ANK2: variants seen among roughly 807,000 people sequenced by gnomAD.
The protein encoded by ANK2 is ankyrin 2.
In ANK2, 83 loss-of-function variants were observed where a neutral mutation model predicts 360.5. The ratio of observed to expected loss-of-function variants is 0.23; its 90% confidence interval spans 0.19 to 0.28. The LOEUF (loss-of-function observed/expected upper bound fraction) is 0.28. ANK2 is among the 10% of genes least tolerant of loss of function. The pLI, the probability that ANK2 is intolerant of heterozygous loss-of-function variation, is 1.00. For synonymous variants in ANK2, 1,740 were observed against 1,759.5 expected, an observed-to-expected ratio of 0.99 and a Z score of 0.28; for missense variants, 4,201 against 4,795.7, an observed-to-expected ratio of 0.88 and a Z score of 3.66.
At chr4:113,198,680 A>G (rs1484102752) in intron 3 of ANK2, among the ~76,000 whole-genome samples, 1 of 151,992 alleles carries the variant, frequency 6.6e-6, no homozygotes, top group Non-Finnish European at 1.5e-5. Flanking sequence ...TTGCAATAGG[A>G]TTCTTTAGTT....
chr4:113,106,603 A>G (rs2093655141), intron 1 of ANK2, among the ~76,000 whole-genome samples: 1 of 152,174 alleles, frequency 6.6e-6, no homozygotes, highest in Non-Finnish European at 1.5e-5. Context: ...ATGATGCCCA[A>G]GTTATAGAAG....
intron 1 of ANK2, among the ~76,000 whole-genome samples, chr4:113,069,084 A>C (rs1414391941): frequency 6.6e-6 from 1 of 152,098 alleles, no homozygotes; most frequent in Non-Finnish European, 1.5e-5. Context: ...AAGAGAAAAG[A>C]AAAGAAAAGA....
chr4:113,144,781 T>C (rs1171434412), intron 1 of ANK2, among the ~76,000 whole-genome samples: 2 of 147,364 alleles, frequency 1.4e-5, no homozygotes, highest in African/African-American at 4.9e-5. Flanking sequence ...TATATACTAC[T>C]TAAACTATAT....
intron 29 of ANK2, 92 bp from the exon 30 acceptor site, chr4:113,335,754 G>C: frequency 7.5e-7 from 1 of 1,332,378 alleles, no homozygotes; most frequent in South Asian, 1.2e-5. Flanking sequence ...TGGCACTTCT[G>C]TTCATTATTA....
At chr4:112,778,888 G>T in the ANK2 span, among the ~76,000 whole-genome samples, 1 of 152,142 alleles carries the variant, frequency 6.6e-6, no homozygotes, top group Non-Finnish European at 1.5e-5. Flanking sequence ...TCATTTATAG[G>T]CAGTACTAGT....
At chr4:113,107,680 T>A (rs949204422) in intron 1 of ANK2, among the ~76,000 whole-genome samples, 1 of 152,204 alleles carries the variant, frequency 6.6e-6, no homozygotes, top group Non-Finnish European at 1.5e-5. Context: ...TAAATCTACT[T>A]TATTATCTTA....
chr4:112,897,374 G>T (rs1348977247), intron 1 of ANK2, among the ~76,000 whole-genome samples: 2 of 152,096 alleles, frequency 1.3e-5, no homozygotes, highest in African/African-American at 4.8e-5. Context: ...CACAATAGGA[G>T]TTCAAATGGA....
At chr4:112,775,971 A>G in the ANK2 span, among the ~76,000 whole-genome samples, 1 of 152,206 alleles carries the variant, frequency 6.6e-6, no homozygotes, top group East Asian at 1.9e-4. Flanking sequence ...TTAGGGCTCA[A>G]TAATTTGCAG....
chr4:112,942,716 G>A (rs1218308630), intron 2 of ANK2, among the ~76,000 whole-genome samples: 2 of 151,808 alleles, frequency 1.3e-5, no homozygotes, highest in African/African-American at 2.4e-5. Flanking sequence ...TTGGGTTTGT[G>A]TGTGTACACA....
chr4:112,815,140 C>G (rs893267822), upstream of ANK2, among the ~76,000 whole-genome samples: 1 of 152,030 alleles, frequency 6.6e-6, no homozygotes, highest in Non-Finnish European at 1.5e-5. Flanking sequence ...CTCGGCCTCC[C>G]AAAGTGCTGA....
intron 1 of ANK2, among the ~76,000 whole-genome samples, chr4:113,091,661 G>A (rs1257955648): frequency 6.6e-6 from 1 of 152,224 alleles, no homozygotes; most frequent in African/African-American, 2.4e-5. Context: ...ATCCCTTTGA[G>A]ATAGATATCC....
At chr4:113,217,997 T>A (rs2099106043) in intron 4 of ANK2, among the ~76,000 whole-genome samples, 1 of 152,242 alleles carries the variant, frequency 6.6e-6, no homozygotes, top group South Asian at 2.1e-4. Context: ...CTGCCTGCTC[T>A]AACTGCCTAG....
At chr4:112,992,016 C>T (rs2046998670) in intron 2 of ANK2, among the ~76,000 whole-genome samples, 1 of 152,042 alleles carries the variant, frequency 6.6e-6, no homozygotes, top group African/African-American at 2.4e-5. Flanking sequence ...TTCTCTTTTT[C>T]CTTCCAACTT....
At chr4:113,106,326 G>A (rs969304018) in intron 1 of ANK2, among the ~76,000 whole-genome samples, 1 of 152,136 alleles carries the variant, frequency 6.6e-6, no homozygotes, top group Non-Finnish European at 1.5e-5. Context: ...ATTCAGATGG[G>A]TTATTTCAGT....
chr4:113,333,041 A>C lies in ANK2; in HGVS notation c.3225-13A>C, dbSNP rs773079706. ...CTCCTGTCCACACTGAATGTTCTGC[A>C]TTGCTATGTCAGGCCTGTGATCGTG... On this transcript the variant is annotated splice_polypyrimidine_tract_variant and intron_variant, in intron 28 of 45. Transcript: ENST00000357077. The C allele has an allele frequency of 5.0e-6, 8 of 1,614,024 alleles. No individual in the cohort carries two copies. The highest frequency in any genetic ancestry group is 6.8e-6 in the Non-Finnish European group (8 of 1,180,028).
chr4:112,738,640 A>G, the ANK2 span: 1 of 558,324 alleles, frequency 1.8e-6, no homozygotes. Context: ...TGGGCTGCCT[A>G]CCGAGGTGGC....
At chr4:112,707,235 A>G in the ANK2 span, among the ~76,000 whole-genome samples, 1 of 152,214 alleles carries the variant, frequency 6.6e-6, no homozygotes, top group Non-Finnish European at 1.5e-5. Context: ...AAAATAAAGG[A>G]GACTCCAGGA....
chr4:113,363,321 A>G lies in ANK2; in HGVS notation c.10757-17A>G. 1.2e-6 allele frequency: 2 copies of G among 1,611,654 alleles called. No homozygotes were observed. Among genetic ancestry groups the G allele is most frequent in the African/African-American group, 1.3e-5 (1 of 74,994 alleles). ...CTTGAAGTTAATGTGTTTACAAAGT[A>G]GTATTTTATCTTCTAGAATTAGCAA... On this transcript the variant is annotated splice_polypyrimidine_tract_variant and intron_variant, in intron 39 of 45. Transcript: ENST00000357077.
intron 1 of ANK2, among the ~76,000 whole-genome samples, chr4:113,156,560 T>C (rs1159463568): frequency 6.6e-6 from 1 of 151,668 alleles, no homozygotes; most frequent in East Asian, 1.9e-4. Flanking sequence ...TTAGTAGAGA[T>C]AGGGTTTCAC....
Sources: allele counts gnomAD v4.1 joint callset (sites outside exome capture counted in the v4.1 genomes callset), GRCh38; gene constraint gnomAD v4.1.1; transcripts MANE v1.5; gene names NCBI Gene and HGNC (gene_info 2026-07-23, HGNC 2026-07-21).